KIRREL3: variants seen among roughly 807,000 people sequenced by gnomAD.
KIRREL3 encodes kin of IRRE-like protein 3.
A neutral mutation model predicts 89.7 loss-of-function variants in KIRREL3; 36 were observed. The ratio of observed to expected loss-of-function variants is 0.40; its 90% CI spans 0.31 to 0.53. The LOEUF (loss-of-function observed/expected upper bound fraction) is 0.53. Among genes scored for constraint, KIRREL3 ranks in the 20% least tolerant of loss-of-function variants. The probability of loss-of-function intolerance (pLI) is 0.49; values close to 1 mark genes in which losing one functional copy is unlikely to be tolerated. For missense variants in KIRREL3, 864 were observed against 1,056.6 expected (o/e 0.82, Z 2.53); for synonymous variants, 445 against 441.4 (o/e 1.01, Z -0.10).
intron 1 of KIRREL3, among the ~76,000 whole-genome samples, chr11:126,728,170 G>T (rs1256478788): frequency 6.6e-6 from 1 of 152,152 alleles, no homozygotes; most frequent in Non-Finnish European, 1.5e-5. Flanking sequence ...AGCTGTGGTG[G>T]CTGGCCCCAT....
rs1402129735 is a variant in KIRREL3, at chr11:126,736,405, G to A, written c.56-173493C>T. 6.6e-6 allele frequency among the ~76,000 whole-genome samples: 1 copy of A among 152,146 alleles called. No individual in the cohort carries two copies. Among genetic ancestry groups the A allele is most frequent in the Non-Finnish European group, 1.5e-5 (1 of 68,038 alleles). ...ATGCCAGAGCCAGGATTTGATGAGA[G>A]GTCCCCGTGACATTTCAACCCAAGC... On this transcript the variant is annotated intron_variant, in intron 1 of 16. Coordinates refer to ENST00000525144, the MANE Select transcript of KIRREL3 (RefSeq NM_032531.4). The surrounding 1 kb of genome is among the most constrained non-coding windows in gnomAD (Gnocchi z 5.0).
At chr11:126,922,736 C>T (rs1003864496) in intron 1 of KIRREL3, among the ~76,000 whole-genome samples, 2 of 152,098 alleles carry the variant, frequency 1.3e-5, no homozygotes, top group Non-Finnish European at 1.5e-5. Flanking sequence ...ACAACAACAA[C>T]AACAACAACC....
chr11:126,762,696 G>A (rs117111438), intron 1 of KIRREL3, among the ~76,000 whole-genome samples: 18 of 152,224 alleles, frequency 1.2e-4, no homozygotes, highest in Non-Finnish European at 2.1e-4. Context: ...AGAGCAATAA[G>A]GTCTTTTCTG....
rs780337340 is a variant in KIRREL3 at position 126,429,243 on chromosome 11, A to G, written c.1742T>C (p.Ile581Thr). 1.4e-5 allele frequency: 22 copies of G among 1,613,760 alleles called. No individual in the cohort carries two copies. The highest frequency in any genetic ancestry group is 2.7e-5 in the African/African-American group (2 of 74,896). The change falls in exon 15 of 17, where the codon ATT (isoleucine) becomes ACT (threonine). Residue 581 changes from isoleucine to threonine, a missense_variant. Transcript: ENST00000525144. The surrounding 1 kb of genome is among the most constrained non-coding windows in gnomAD (Gnocchi z 5.2). ...VSAKNDIRVE[I>T]VHKEPASGRE... is the part of the protein sequence containing the mutation. ...ACCAGAGGCTGGTTCCTTGTGGACAATTTCCACTCGGATATCATTTTTGGC... is the reference window on the plus strand; with the variant it reads ...ACCAGAGGCTGGTTCCTTGTGGACAGTTTCCACTCGGATATCATTTTTGGC...
intron 1 of KIRREL3, among the ~76,000 whole-genome samples, chr11:126,693,786 T>G (rs986798362): frequency 6.6e-6 from 1 of 152,232 alleles, no homozygotes; most frequent in Admixed American, 6.5e-5. Flanking sequence ...AGAGAAAAAG[T>G]GAGTGGAAAC....
rs567034941 is a variant in KIRREL3 at position 126,513,530 on chromosome 11, G to C, written c.433+7785C>G. 3.9e-5 allele frequency among the ~76,000 whole-genome samples: 6 copies of C among 152,078 alleles called. No homozygotes were observed. Among genetic ancestry groups the C allele is most frequent in the African/African-American group, 1.4e-4 (6 of 41,410 alleles). On this transcript the variant is annotated intron_variant, in intron 4 of 16. Coordinates refer to ENST00000525144, the MANE Select transcript of KIRREL3 (RefSeq NM_032531.4). The surrounding 1 kb of genome is among the most constrained non-coding windows in gnomAD (Gnocchi z 5.9). ...TCCCTGAGGGATCCTCTCTTCCTCC[G>C]GGCCTTGGAAGTCGTTTAATGCTTG...
intron 13 of KIRREL3, among the ~76,000 whole-genome samples, chr11:126,434,838 GC>G (rs1955256930): frequency 6.6e-6 from 1 of 152,164 alleles, no homozygotes; most frequent in Non-Finnish European, 1.5e-5. Context: ...GGGGCTGGGG[GC>G]CCCCGGTGTC....
chr11:126,895,838 A>C (rs563710297), intron 1 of KIRREL3, among the ~76,000 whole-genome samples: 3 of 152,312 alleles, frequency 2.0e-5, no homozygotes, highest in Admixed American at 2.0e-4. Flanking sequence ...CCCAGTGACC[A>C]CATGACCCAG....
In KIRREL3 at chr11:126,876,704, A is replaced by AT. The variant is rs1420646935; in HGVS notation, c.55+123750dup. Among the ~76,000 whole-genome samples the AT allele has an allele frequency of 3.3e-5, 5 of 151,744 alleles. No individual in the cohort carries two copies. Among genetic ancestry groups the AT allele is most frequent in the Admixed American group, 2.0e-4 (3 of 15,232 alleles). On this transcript the variant is annotated intron_variant, in intron 1 of 16. Transcript: ENST00000525144. The surrounding 1 kb of genome is among the most constrained non-coding windows in gnomAD (Gnocchi z 4.1). ...AGGCACCTGCCACCATGCCCAGCTAATTTTTTTGTATTTTTAGTAGAGATG... is the reference window on the plus strand; with the variant it reads ...AGGCACCTGCCACCATGCCCAGCTAATTTTTTTTGTATTTTTAGTAGAGATG...
intron 2 of KIRREL3, among the ~76,000 whole-genome samples, chr11:126,545,014 C>T (rs1938689244): frequency 6.6e-6 from 1 of 152,146 alleles, no homozygotes; most frequent in African/African-American, 2.4e-5. Flanking sequence ...CCCAATATTG[C>T]CTGCAGTAAT....
intron 4 of KIRREL3, among the ~76,000 whole-genome samples, chr11:126,487,939 A>G (rs909208821): frequency 6.6e-6 from 1 of 152,264 alleles, no homozygotes; most frequent in Non-Finnish European, 1.5e-5. Context: ...CGCAGCTTCC[A>G]CTACGGGGTG....
At position 126,459,591 on chromosome 11, in the gene KIRREL3, T is replaced by C. The variant is rs1956480290; in HGVS notation, c.743-3137A>G. Among the ~76,000 whole-genome samples the C allele has an allele frequency of 6.6e-6, 1 of 152,210 alleles. No homozygotes were observed. Among genetic ancestry groups the C allele is most frequent in the Non-Finnish European group, 1.5e-5 (1 of 68,040 alleles). On this transcript the variant is annotated intron_variant, in intron 6 of 16. Transcript: ENST00000525144. This position sits in a 1 kb window ranked among gnomAD's most constrained non-coding sequence, Gnocchi z 4.8. ...TGTCATATCCAACTATTAAACATGA[T>C]TTTAATCTCACTTGTGATGTCGGCA...
chr11:126,696,524 C>T lies in KIRREL3; in HGVS notation c.56-133612G>A, dbSNP rs1453996510. On this transcript the variant is annotated intron_variant, in intron 1 of 16. Transcript: ENST00000525144. The surrounding 1 kb of genome is among the most constrained non-coding windows in gnomAD (Gnocchi z 4.4). The stretch of plus-strand genomic sequence containing the variant: ...TGGCCTCTTGCCTCGACATCTGGCC[C>T]CACCGTCCAACCCACCTTTCAGCCT... Among the ~76,000 whole-genome samples the T allele has an allele frequency of 1.3e-5, 2 of 152,210 alleles. No individual in the cohort carries two copies. The highest frequency in any genetic ancestry group is 6.5e-5 in the Admixed American group (1 of 15,288).
At position 126,771,880 on chromosome 11, in the gene KIRREL3, C is replaced by T. The variant is rs1227269218; in HGVS notation, c.56-208968G>A. On this transcript the variant is annotated intron_variant, in intron 1 of 16. Transcript: ENST00000525144. The surrounding 1 kb of genome is among the most constrained non-coding windows in gnomAD (Gnocchi z 4.4). ...AGACCTGAAGTTCATCTCTGCAATT[C>T]CTTTGTTGACAGGCTGAGCATGCAG... Among the ~76,000 whole-genome samples the T allele has an allele frequency of 1.3e-5, 2 of 152,218 alleles. No homozygotes were observed. The highest frequency in any genetic ancestry group is 2.1e-4 in the South Asian group (1 of 4,830).
At chr11:126,692,394 A>C (rs1294381124) in intron 1 of KIRREL3, among the ~76,000 whole-genome samples, 2 of 151,712 alleles carry the variant, frequency 1.3e-5, no homozygotes, top group African/African-American at 2.4e-5. Context: ...AAAATACAAA[A>C]ATTAGCTGGG....
At position 126,898,571 on chromosome 11, in the gene KIRREL3, G is replaced by C. The variant is rs1946255294; in HGVS notation, c.55+101884C>G. On this transcript the variant is annotated intron_variant, in intron 1 of 16. Transcript: ENST00000525144. The surrounding 1 kb of genome is among the most constrained non-coding windows in gnomAD (Gnocchi z 4.9). ...CGAACAATTCCTAAAAGCAGCGTTA[G>C]TTGAAAGCAGAAACAGAATTATATC... is the stretch of plus-strand genomic sequence containing the variant. 6.6e-6 allele frequency among the ~76,000 whole-genome samples: 1 copy of C among 152,182 alleles called. No homozygotes were observed. Among genetic ancestry groups the C allele is most frequent in the South Asian group, 2.1e-4 (1 of 4,830 alleles).
chr11:126,819,248 G>T (rs1042533094), intron 1 of KIRREL3, among the ~76,000 whole-genome samples: 2 of 152,170 alleles, frequency 1.3e-5, no homozygotes, highest in African/African-American at 4.8e-5. Flanking sequence ...AGAGCATCTC[G>T]CAGGAGGTAC....
intron 1 of KIRREL3, among the ~76,000 whole-genome samples, chr11:126,884,513 G>C (rs1382565341): frequency 4.6e-5 from 7 of 152,174 alleles, no homozygotes; most frequent in Non-Finnish European, 7.3e-5. Flanking sequence ...GCTATCCCTG[G>C]GAAAATAGCT....
intron 1 of KIRREL3, among the ~76,000 whole-genome samples, chr11:126,631,056 C>T (rs1224987538): frequency 1.3e-5 from 2 of 152,216 alleles, no homozygotes; most frequent in Non-Finnish European, 2.9e-5. Context: ...TTCTCATACA[C>T]AGTGACACAG....
Sources: gnomAD v4.1 joint callset for allele counts (sites outside exome capture counted in the v4.1 genomes callset) on GRCh38, gnomAD v4.1.1 for gene constraint, Gnocchi (gnomAD v3.1) non-coding constraint, MANE v1.5 for transcripts, NCBI Gene and HGNC (gene_info 2026-07-23, HGNC 2026-07-21) for gene names.